Variants in CTNND2 observed in about 807,000 individuals in gnomAD.
CTNND2 encodes the protein catenin delta 2.
In CTNND2, 22 loss-of-function variants were observed where a neutral mutation model predicts 144.4. The ratio of observed to expected loss-of-function variants is 0.15; its 90% CI spans 0.11 to 0.22. CTNND2 has a LOEUF of 0.22. Among genes scored for constraint, CTNND2 ranks in the 10% least tolerant of loss-of-function variants. The pLI is 1.00. For synonymous variants in CTNND2, 751 were observed against 695.6 expected, an observed-to-expected ratio of 1.08 and a Z score of -1.25; for missense variants, 1,353 against 1,618.8, an observed-to-expected ratio of 0.84 and a Z score of 2.82.
chr5:11,109,838 CTTTT>C (rs55718453), intron 14 of CTNND2, among the ~76,000 whole-genome samples: 30,326 of 152,014 alleles, frequency 0.2, 3,484 homozygotes, highest in Middle Eastern at 0.3. Context: ...TCTTACTCTG[CTTTT>C]TCAAGAAACA....
intron 11 of CTNND2, among the ~76,000 whole-genome samples, chr5:11,181,386 C>T (rs2149799569): frequency 6.6e-6 from 1 of 152,242 alleles, no homozygotes; most frequent in East Asian, 1.9e-4. Flanking sequence ...TCAGGGTAGA[C>T]ACATGTGGGG....
chr5:11,607,865 A>G (rs763130501), intron 2 of CTNND2, among the ~76,000 whole-genome samples: 27 of 152,178 alleles, frequency 1.8e-4, no homozygotes, highest in Non-Finnish European at 3.4e-4. Context: ...ATTGATACCT[A>G]ATTAGGCCCC....
At chr5:11,308,351 C>CT (rs1163687795) in intron 9 of CTNND2, among the ~76,000 whole-genome samples, 1 of 151,998 alleles carries the variant, frequency 6.6e-6, no homozygotes, top group African/African-American at 2.4e-5. Flanking sequence ...ATATTTTAGG[C>CT]TTTGGAAACA....
At chr5:11,799,930 C>T (rs1791590984) in intron 1 of CTNND2, among the ~76,000 whole-genome samples, 1 of 152,158 alleles carries the variant, frequency 6.6e-6, no homozygotes, top group Non-Finnish European at 1.5e-5. Context: ...ACTCCAAACT[C>T]CCTCTTCAAT....
intron 9 of CTNND2, among the ~76,000 whole-genome samples, chr5:11,329,054 T>C (rs1246793908): frequency 6.6e-6 from 1 of 152,230 alleles, no homozygotes; most frequent in Non-Finnish European, 1.5e-5. Flanking sequence ...TCATGAGGTC[T>C]TTCTGTATAA....
chr5:11,067,644 G>A (rs1213817419), intron 16 of CTNND2, among the ~76,000 whole-genome samples: 1 of 152,246 alleles, frequency 6.6e-6, no homozygotes, highest in Non-Finnish European at 1.5e-5. Flanking sequence ...GACACCTTGA[G>A]TGGGGCAGGA....
At chr5:11,762,330 C>T (rs1226715829) in intron 1 of CTNND2, among the ~76,000 whole-genome samples, 3 of 152,080 alleles carry the variant, frequency 2.0e-5, no homozygotes, top group Admixed American at 6.5e-5. Context: ...TACCCTGAGT[C>T]TTTAATAGAG....
At chr5:11,729,773 T>C (rs886101423) in intron 2 of CTNND2, among the ~76,000 whole-genome samples, 2 of 152,198 alleles carry the variant, frequency 1.3e-5, no homozygotes, top group Non-Finnish European at 1.5e-5. Context: ...ACCAAAAAAT[T>C]ATAGCAATTT....
intron 3 of CTNND2, 55 bp downstream of exon 3, chr5:11,564,889 A>T: frequency 8.1e-7 from 1 of 1,234,110 alleles, no homozygotes; most frequent in Non-Finnish European, 1.2e-6. Flanking sequence ...AAACATCACG[A>T]TTTACTTGCA....
intron 1 of CTNND2, among the ~76,000 whole-genome samples, chr5:11,754,103 T>G (rs1363616555): frequency 6.6e-6 from 1 of 151,590 alleles, no homozygotes; most frequent in Admixed American, 6.6e-5. Flanking sequence ...ATCAATCTTA[T>G]TTATTCTTTC....
intron 1 of CTNND2, among the ~76,000 whole-genome samples, chr5:11,897,348 G>A (rs1582087050): frequency 6.6e-6 from 1 of 152,204 alleles, no homozygotes; most frequent in Non-Finnish European, 1.5e-5. Context: ...GTCATGCTTA[G>A]ACTTAAATAC....
At chr5:11,699,029 C>T (rs10069781) in intron 2 of CTNND2, among the ~76,000 whole-genome samples, 1 of 149,116 alleles carries the variant, frequency 6.7e-6, no homozygotes, top group Non-Finnish European at 1.5e-5. Flanking sequence ...TATATATATA[C>T]ATATATATAT....
intron 10 of CTNND2, among the ~76,000 whole-genome samples, chr5:11,205,801 G>C (rs114789563): frequency 1.3e-5 from 2 of 152,240 alleles, no homozygotes; most frequent in South Asian, 4.2e-4. Context: ...TTCTCCATTC[G>C]ATAGGTGAAC....
At chr5:11,497,582 T>C (rs902741620) in intron 3 of CTNND2, among the ~76,000 whole-genome samples, 9 of 140,944 alleles carry the variant, frequency 6.4e-5, no homozygotes, top group African/African-American at 2.1e-4. Context: ...TTTAAAGTAC[T>C]GAAATATCTG....
At chr5:11,617,657 A>G (rs1207182200) in intron 2 of CTNND2, among the ~76,000 whole-genome samples, 1 of 152,224 alleles carries the variant, frequency 6.6e-6, no homozygotes, top group East Asian at 1.9e-4. Flanking sequence ...ATAGAGGAAT[A>G]TGAGCCAGTT....
chr5:11,101,090 G>A (rs1159459175), intron 14 of CTNND2, among the ~76,000 whole-genome samples: 1 of 152,226 alleles, frequency 6.6e-6, no homozygotes, highest in Non-Finnish European at 1.5e-5. Context: ...GGCAACTGGA[G>A]ATGGAGTTCA....
chr5:11,007,881 C>T (rs557587545), intron 18 of CTNND2, among the ~76,000 whole-genome samples: 11 of 152,328 alleles, frequency 7.2e-5, no homozygotes, highest in East Asian at 5.8e-4. Context: ...TAATGAAACT[C>T]GGCTTTTCAG....
chr5:11,862,471 C>G (rs1795547638), intron 1 of CTNND2, among the ~76,000 whole-genome samples: 2 of 152,128 alleles, frequency 1.3e-5, no homozygotes, highest in African/African-American at 4.8e-5. Flanking sequence ...TTTATTCCAT[C>G]TATTCAAAGA....
intron 9 of CTNND2, among the ~76,000 whole-genome samples, chr5:11,291,077 T>C (rs1748296557): frequency 6.6e-6 from 1 of 152,010 alleles, no homozygotes; most frequent in South Asian, 2.1e-4. Flanking sequence ...CTTCAAGGAA[T>C]TGCGGGTCTC....
Sources: allele counts gnomAD v4.1 joint callset (sites outside exome capture counted in the v4.1 genomes callset), GRCh38; gene constraint gnomAD v4.1.1; transcripts MANE v1.5; gene names NCBI Gene and HGNC (gene_info 2026-07-23, HGNC 2026-07-21).